The following MBP variants were observed in gnomAD, a reference collection of about 807,000 sequenced individuals.
MBP encodes myelin basic protein, also known as Golli-MBP.
A neutral mutation model predicts 35.8 loss-of-function variants in MBP; 16 were observed. That is an observed-to-expected ratio of 0.45 (90% CI 0.30 to 0.68). The LOEUF is 0.68. MBP is among the 30% of genes least tolerant of loss of function. The pLI is 0.08. For missense variants in MBP, 380 were observed against 404.7 expected, an observed-to-expected ratio of 0.94 and a Z score of 0.52; for synonymous variants, 143 against 159.6, an observed-to-expected ratio of 0.90 and a Z score of 0.78.
chr18:77,104,904 G>A (rs970938099), intron 2 of MBP, among the ~76,000 whole-genome samples: 2 of 151,812 alleles, frequency 1.3e-5, no homozygotes, highest in African/African-American at 4.8e-5. Context: ...CTTCTTCTCC[G>A]TGTCTCTTTT....
intron 2 of MBP, among the ~76,000 whole-genome samples, chr18:77,104,805 C>G (rs1347267363): frequency 1.3e-5 from 2 of 152,276 alleles, no homozygotes; most frequent in Admixed American, 1.3e-4. Context: ...CTGAGAGCCT[C>G]CTGATACTTC....
chr18:77,030,379 C>T (rs995219552), intron 3 of MBP, among the ~76,000 whole-genome samples: 3 of 152,074 alleles, frequency 2.0e-5, no homozygotes, highest in Non-Finnish European at 2.9e-5. Flanking sequence ...TGAGGGCTGA[C>T]GAGGCCTCCA....
chr18:77,079,246 G>A (rs1421428555), intron 2 of MBP, among the ~76,000 whole-genome samples: 4 of 152,228 alleles, frequency 2.6e-5, no homozygotes, highest in African/African-American at 7.2e-5. Context: ...GGTACACTAA[G>A]GTTGGAGGGA....
chr18:77,019,246 C>T (rs1260221638), intron 3 of MBP, among the ~76,000 whole-genome samples: 2 of 152,182 alleles, frequency 1.3e-5, no homozygotes, highest in Non-Finnish European at 2.9e-5. Flanking sequence ...ATGATATGTC[C>T]ATGTCCTAAC....
At chr18:77,129,254 G>C (rs1977159696) in intron 1 of MBP, among the ~76,000 whole-genome samples, 1 of 152,216 alleles carries the variant, frequency 6.6e-6, no homozygotes, top group Non-Finnish European at 1.5e-5. Flanking sequence ...ACAGAGTCCA[G>C]AACAAAAGAA....
intron 1 of MBP, among the ~76,000 whole-genome samples, chr18:77,124,191 G>T: frequency 6.6e-6 from 1 of 152,096 alleles, no homozygotes; most frequent in East Asian, 1.9e-4. Flanking sequence ...CCTCATCTCT[G>T]CCTCTGGGTC....
intron 2 of MBP, among the ~76,000 whole-genome samples, chr18:77,092,450 T>C (rs1341234623): frequency 1.3e-5 from 2 of 152,120 alleles, no homozygotes; most frequent in African/African-American, 4.8e-5. Flanking sequence ...AGCACCGCGC[T>C]CTCCAGATGC....
chr18:77,062,511 G>GGA (rs758037188), intron 3 of MBP, among the ~76,000 whole-genome samples: 88 of 131,978 alleles, frequency 6.7e-4, no homozygotes, highest in Non-Finnish European at 1.0e-3. Flanking sequence ...GAAAGCTGTC[G>GGA]AAAAAAAAAA....
intron 3 of MBP, among the ~76,000 whole-genome samples, chr18:77,038,802 AG>A (rs1397160932): frequency 6.6e-6 from 1 of 152,182 alleles, no homozygotes; most frequent in East Asian, 1.9e-4. Context: ...TGCTCTTGTT[AG>A]CTTTTTATGT....
At position 77,017,074 on chromosome 18, in the gene MBP, A is replaced by AG; in HGVS notation, c.333dup (p.Ser112LeufsTer2). On this transcript the variant is annotated frameshift_variant, in exon 4 of 9. Coordinates refer to ENST00000355994, the MANE Select transcript of MBP (RefSeq NM_001025101.2). LOFTEE classifies it high-confidence loss of function. Reference sequence around the variant, plus strand: ...ATGGTCTGGAGCTCGTCGGACTCAGAGGGCCTGTCTTTGAAGGTGTTGTCC... The same window carrying AG: ...ATGGTCTGGAGCTCGTCGGACTCAGAGGGGCCTGTCTTTGAAGGTGTTGTCC... 6.2e-7 allele frequency: 1 copy of AG among 1,611,520 alleles called. No individual in the cohort carries two copies.
chr18:76,996,850 GTTCA>G (rs1970298260), intron 4 of MBP, among the ~76,000 whole-genome samples: 1 of 152,146 alleles, frequency 6.6e-6, no homozygotes, highest in Admixed American at 6.5e-5. Flanking sequence ...AGCCCATTTT[GTTCA>G]TTATTTTGTG....
At chr18:77,013,269 G>C (rs567544412) in intron 4 of MBP, 3 of 985,262 alleles carry the variant, frequency 3.0e-6, no homozygotes, top group African/African-American at 1.7e-5. Flanking sequence ...GCAAGCTCAC[G>C]ATGAATGAGA....
rs1976047673 is a variant in MBP, at chr18:77,102,145, G to A, written c.51+3066C>T. 6.6e-6 allele frequency among the ~76,000 whole-genome samples: 1 copy of A among 152,048 alleles called. No individual in the cohort carries two copies. Among genetic ancestry groups the A allele is most frequent in the African/African-American group, 2.4e-5 (1 of 41,330 alleles). On this transcript the variant is annotated intron_variant, in intron 2 of 8. Coordinates refer to ENST00000355994, the MANE Select transcript of MBP (RefSeq NM_001025101.2). This position sits in a 1 kb window ranked among gnomAD's most constrained non-coding sequence, Gnocchi z 4.4. ...GTGTGGGTGGGGAGAGGTGGAGAAG[G>A]TGGCAGCAGGGTGGGAAGGAGGGGG...
rs542166663 is a variant in MBP at position 77,049,772 on chromosome 18, C to T, written c.139+16526G>A. 7.7e-4 allele frequency among the ~76,000 whole-genome samples: 117 copies of T among 152,076 alleles called. 1 individual carries two copies. Among genetic ancestry groups the T allele is most frequent in the African/African-American group, 2.5e-3 (105 of 41,468 alleles). Reference sequence around the variant, plus strand: ...TCAGCTCACTGCAACCTCTGCCTCCCGGATTCAAGCAATTCTCCTGCCTCA... The same window carrying T: ...TCAGCTCACTGCAACCTCTGCCTCCTGGATTCAAGCAATTCTCCTGCCTCA... On this transcript the variant is annotated intron_variant, in intron 3 of 8. Coordinates refer to ENST00000355994, the MANE Select transcript of MBP (RefSeq NM_001025101.2).
Position 77,019,867 on chromosome 18 carries a change from G to A in MBP, c.140-2599C>T, listed in dbSNP as rs940284180. ...TCCCGGTGGCGGAAGCAGCAGGAGA[G>A]CGGCCATGCTGGTTCTGGGTCCAGG... On this transcript the variant is annotated intron_variant, in intron 3 of 8. Transcript: ENST00000355994. Among the ~76,000 whole-genome samples the A allele has an allele frequency of 5.9e-5, 9 of 152,320 alleles. No individual in the cohort carries two copies. The South Asian group carries it at 1.5e-3, about 25-fold the overall frequency.
At chr18:77,089,432 G>A (rs1378580172) in intron 2 of MBP, among the ~76,000 whole-genome samples, 1 of 152,252 alleles carries the variant, frequency 6.6e-6, no homozygotes, top group East Asian at 1.9e-4. Context: ...AGAAGAGGCA[G>A]GGAGAAGGCA....
chr18:77,035,173 G>A (rs1157314390), intron 3 of MBP, among the ~76,000 whole-genome samples: 2 of 152,144 alleles, frequency 1.3e-5, no homozygotes, highest in Admixed American at 1.3e-4. Flanking sequence ...GCTTCTCCAG[G>A]TGGCTGCTTC....
rs1028521560 is a variant in MBP, at chr18:76,980,145, C to T, written c.*282G>A. The T allele has an allele frequency of 1.5e-6, 1 of 654,724 alleles. No homozygotes were observed. Among genetic ancestry groups the T allele is most frequent in the African/African-American group, 1.8e-5 (1 of 55,142 alleles). 40.6% of individuals were successfully genotyped at this position (654,724 alleles called of 1,614,324 possible). A position where few individuals can be genotyped will look rare whatever the true frequency, so the allele number is the denominator to read the frequency against. On this transcript the variant is annotated 3_prime_UTR_variant, in exon 9 of 9. Coordinates refer to ENST00000355994, the MANE Select transcript of MBP (RefSeq NM_001025101.2). The stretch of plus-strand genomic sequence containing the variant: ...GAGGGACGTCTGTGCACCTGGCCCC[C>T]TGAAGACCCACGTGCGTCTGGGGGC...
intron 3 of MBP, among the ~76,000 whole-genome samples, chr18:77,019,062 A>G (rs937833097): frequency 6.6e-6 from 1 of 151,870 alleles, no homozygotes; most frequent in Non-Finnish European, 1.5e-5. Flanking sequence ...CCATCCATCC[A>G]TCCATCCATC....
Sources: gnomAD v4.1 joint callset for allele counts (sites outside exome capture counted in the v4.1 genomes callset) on GRCh38, gnomAD v4.1.1 for gene constraint, Gnocchi (gnomAD v3.1) non-coding constraint, MANE v1.5 for transcripts, NCBI Gene and HGNC (gene_info 2026-07-23, HGNC 2026-07-21) for gene names.